The following COL27A1 variants were observed in gnomAD, a reference collection of about 807,000 sequenced individuals.
COL27A1 encodes the protein collagen type XXVII alpha 1 chain, also known as collagen alpha-1(XXVII) chain.
A neutral mutation model predicts 251.3 loss-of-function variants in COL27A1; 106 were observed. The ratio of observed to expected loss-of-function variants is 0.42; its 90% CI spans 0.36 to 0.50. The LOEUF is 0.50. Ranked by LOEUF, COL27A1 falls within the 20% of genes least tolerant of loss-of-function variation. The pLI, the probability that COL27A1 is intolerant of heterozygous loss-of-function variation, is 0.00. For synonymous variants in COL27A1, 1,000 were observed against 986.3 expected (o/e 1.01, Z -0.26); for missense variants, 2,325 against 2,522.8 (o/e 0.92, Z 1.68).
chr9:114,290,766 A>G lies in COL27A1; in HGVS notation c.4369-44A>G. The G allele has an allele frequency of 7.0e-7, 1 of 1,430,566 alleles. No individual in the cohort carries two copies. 88.6% of individuals were successfully genotyped at this position (1,430,566 alleles called of 1,614,324 possible). A position where few individuals can be genotyped will look rare whatever the true frequency, so the allele number is the denominator to read the frequency against. On this transcript the variant is annotated intron_variant, in intron 47 of 60. Coordinates refer to ENST00000356083, the MANE Select transcript of COL27A1 (RefSeq NM_032888.4). The surrounding 1 kb of genome is among the most constrained non-coding windows in gnomAD (Gnocchi z 4.6). The stretch of plus-strand genomic sequence containing the variant: ...TTGAGCCATCTGCTTCCTTGGCTGT[A>G]TCGTGAAACACAAGAGACCCTCCTC...
chr9:114,169,376 T>A lies in COL27A1; in HGVS notation c.1821T>A (p.Ser607Arg). 1 of 1,611,236 alleles carries A rather than the reference T, an allele frequency of 6.2e-7. No homozygotes were observed. Among genetic ancestry groups the A allele is most frequent in the Non-Finnish European group, 8.5e-7 (1 of 1,179,222 alleles). The change falls in exon 3 of 61, where the codon AGT becomes AGA. Residue 607 changes from serine to arginine, a missense_variant. Ser to Arg is a moderately radical substitution (Grantham distance 110, BLOSUM62 -1). Transcript: ENST00000356083. Reference sequence around the variant, plus strand: ...CCTCCAGCCCCCGGCCCACGAGCAGTGGCTATTCGATCTTCCACCTGGCAG... The same window carrying A: ...CCTCCAGCCCCCGGCCCACGAGCAGAGGCTATTCGATCTTCCACCTGGCAG... ...FLSSSPRPTS[S>R]GYSIFHLAGS...
intron 2 of COL27A1, among the ~76,000 whole-genome samples, chr9:114,166,019 A>T (rs1184236676): frequency 6.0e-5 from 9 of 150,770 alleles, no homozygotes. Flanking sequence ...TTATCCATCC[A>T]TCCACCAATT....
chr9:114,243,609 A>G, intron 23 of COL27A1, 49 bp downstream of exon 23: 2 of 1,488,476 alleles, frequency 1.3e-6, no homozygotes, highest in Non-Finnish European at 1.9e-6. Context: ...AGGGGATCCT[A>G]CATATCTGGG....
intron 56 of COL27A1, among the ~76,000 whole-genome samples, chr9:114,304,375 G>A (rs973666650): frequency 6.6e-6 from 1 of 152,244 alleles, no homozygotes; most frequent in African/African-American, 2.4e-5. Flanking sequence ...TTATAACCAT[G>A]TTGAGGAGTC....
At chr9:114,291,685 G>T (rs1827928825) in intron 48 of COL27A1, among the ~76,000 whole-genome samples, 1 of 152,176 alleles carries the variant, frequency 6.6e-6, no homozygotes, top group African/African-American at 2.4e-5. Context: ...GGAGGCAGAG[G>T]TTGCAGTGAG....
At chr9:114,194,771 G>A (rs902198421) in intron 6 of COL27A1, among the ~76,000 whole-genome samples, 3 of 152,132 alleles carry the variant, frequency 2.0e-5, no homozygotes, top group Admixed American at 6.5e-5. Flanking sequence ...GGCTTTCTGC[G>A]GGGTCTGCTA....
intron 34 of COL27A1, among the ~76,000 whole-genome samples, chr9:114,267,993 G>C (rs1180609950): frequency 6.6e-6 from 1 of 152,182 alleles, no homozygotes; most frequent in Non-Finnish European, 1.5e-5. Context: ...GGACATTGTT[G>C]AGGCAGGGCC....
Position 114,283,706 on chromosome 9 carries a change from T to A in COL27A1, c.3880-3T>A. 1 of 1,613,950 alleles carries A rather than the reference T, an allele frequency of 6.2e-7. No individual in the cohort carries two copies. The highest frequency in any genetic ancestry group is 1.1e-5 in the South Asian group (1 of 91,076). Reference sequence around the variant, plus strand: ...TACCAACGAGGGTCTCCTCCTCTTGTAGGGTGCTCCGGGACGCATGGGGGC... The same window carrying A: ...TACCAACGAGGGTCTCCTCCTCTTGAAGGGTGCTCCGGGACGCATGGGGGC... On this transcript the variant is annotated splice_polypyrimidine_tract_variant and splice_region_variant and intron_variant, in intron 39 of 60. Transcript: ENST00000356083.
intron 23 of COL27A1, among the ~76,000 whole-genome samples, chr9:114,245,001 A>G (rs1237624846): frequency 1.3e-5 from 2 of 152,156 alleles, no homozygotes; most frequent in African/African-American, 4.8e-5. Flanking sequence ...GGCTGAGCCC[A>G]GAGCAGAGAT....
chr9:114,256,021 C>T (rs543297485), intron 27 of COL27A1, among the ~76,000 whole-genome samples: 25 of 152,318 alleles, frequency 1.6e-4, no homozygotes, highest in African/African-American at 6.0e-4. Context: ...TAACTGTGTG[C>T]TTCATGAATG....
At chr9:114,181,325 C>T (rs1394509384) in intron 4 of COL27A1, among the ~76,000 whole-genome samples, 1 of 152,122 alleles carries the variant, frequency 6.6e-6, no homozygotes, top group African/African-American at 2.4e-5. Flanking sequence ...AGAAACTCCC[C>T]AGGCTCAGTG....
At chr9:114,200,034 A>G (rs995653137) in intron 7 of COL27A1, among the ~76,000 whole-genome samples, 3 of 151,794 alleles carry the variant, frequency 2.0e-5, no homozygotes, top group African/African-American at 7.3e-5. Flanking sequence ...ATGCTGCCTG[A>G]GTTGGCCATT....
rs779461290 is a variant in COL27A1, at chr9:114,168,424, G to T, written c.869G>T (p.Gly290Val). Residue 290 changes from glycine (G) to valine (V), a missense_variant, in exon 3 of 61, where the codon GGG (glycine) becomes GTG (valine). This residue lies in a region of COL27A1 where 1,183 missense variants were observed against 1,144.1 expected (regional missense o/e 1.03). Coordinates refer to ENST00000356083, the MANE Select transcript of COL27A1 (RefSeq NM_032888.4). ...GSLPAGRGPR[G>V]TVAPATPTKP... ...CTGCCAGCAGGCAGGGGACCCAGGG[G>T]GACTGTGGCACCCGCCACGCCCACC... The T allele has an allele frequency of 1.2e-6, 2 of 1,613,140 alleles. No individual in the cohort carries two copies. Among genetic ancestry groups the T allele is most frequent in the South Asian group, 2.2e-5 (2 of 91,068 alleles).
At chr9:114,160,255 C>T (rs985630670) in intron 1 of COL27A1, among the ~76,000 whole-genome samples, 9 of 151,558 alleles carry the variant, frequency 5.9e-5, no homozygotes, top group African/African-American at 1.7e-4. Context: ...CCTGGGTTCA[C>T]GCCATTCTCC....
chr9:114,251,233 C>G (rs1328962290), intron 25 of COL27A1, among the ~76,000 whole-genome samples: 1 of 152,102 alleles, frequency 6.6e-6, no homozygotes, highest in East Asian at 1.9e-4. Context: ...TGGGTTTATC[C>G]GATCCCCAGA....
At chr9:114,205,194 A>AGCCCCTACCTGTCTCTGG (rs1415140506) in intron 8 of COL27A1, 48 bp downstream of exon 8, 2 of 1,558,614 alleles carry the variant, frequency 1.3e-6, no homozygotes, top group Non-Finnish European at 1.8e-6. Flanking sequence ...CCCTCCTCCC[A>AGCCCCTACCTGTCTCTGG]GCCCCTACCT....
intron 23 of COL27A1, among the ~76,000 whole-genome samples, chr9:114,243,925 ATTTTTTT>A (rs397894289): frequency 1.3e-5 from 1 of 78,724 alleles, no homozygotes; most frequent in Admixed American, 1.3e-4. Flanking sequence ...TTTTTCTTTC[ATTTTTTT>A]TTTTTTTTTT....
intron 49 of COL27A1, among the ~76,000 whole-genome samples, chr9:114,295,647 G>GT (rs1414269781): frequency 1.3e-4 from 19 of 151,572 alleles, no homozygotes; most frequent in East Asian, 7.8e-4. Context: ...ACGGACAACT[G>GT]GTTTTTTTTT....
intron 52 of COL27A1, 25 bp from the exon 53 acceptor site, chr9:114,301,259 C>G: frequency 6.2e-7 from 1 of 1,611,758 alleles, no homozygotes; most frequent in South Asian, 1.1e-5. Context: ...TGGGCCCTGT[C>G]TCACTGGGCC....
Sources: allele counts gnomAD v4.1 joint callset (sites outside exome capture counted in the v4.1 genomes callset), GRCh38; gene constraint gnomAD v4.1.1; regional missense constraint gnomAD v4.1.1; non-coding constraint Gnocchi (gnomAD v3.1); transcripts MANE v1.5; gene names NCBI Gene and HGNC (gene_info 2026-07-23, HGNC 2026-07-21).